Variants in LONP1 observed in about 807,000 individuals in gnomAD.
LONP1 encodes lon protease homolog, mitochondrial.
Under a neutral mutation model 98.5 loss-of-function variants are expected in LONP1, and 31 were observed. The observed-to-expected ratio is 0.31, with a 90% CI of 0.24 to 0.42. The LOEUF is 0.42. LONP1 is among the 20% of genes least tolerant of loss of function. LONP1 has a pLI of 1.00. For synonymous variants in LONP1, 781 were observed against 594.7 expected, an observed-to-expected ratio of 1.31 and a Z score of -4.56; for missense variants, 1,336 against 1,350.6, an observed-to-expected ratio of 0.99 and a Z score of 0.17.
chr19:5,697,474 TGAG>T (rs2054956134), intron 10 of LONP1, among the ~76,000 whole-genome samples: 1 of 131,284 alleles, frequency 7.6e-6, no homozygotes. Flanking sequence ...AGAAGAACAG[TGAG>T]GAGGCCATGA....
chr19:5,692,036 C>T lies in LONP1; in HGVS notation c.2876G>A (p.Arg959Gln), dbSNP rs774327937. ...CCTGCAGTCCCGGGGTGGCCGTCAC[C>T]GTTCCACGGCCAGCGCCTCTGCCTG... The part of the protein sequence containing the change: ...DEQAEALAVE[R>Q] Residue 959 changes from arginine (R) to glutamine (Q), a missense_variant, in exon 18 of 18, where the codon CGG (arginine) becomes CAG (glutamine). Around this residue, in one of 5 missense-constraint regions of LONP1, gnomAD observed 555 missense variants for 542.6 expected, o/e 1.02. Transcript: ENST00000360614. 38 of 1,406,194 alleles carry T rather than the reference C, an allele frequency of 2.7e-5. No individual in the cohort carries two copies. The highest frequency in any genetic ancestry group is 3.3e-5 in the Non-Finnish European group (34 of 1,024,664). The allele number at this position is 1,406,194 out of a possible 1,614,324, so 87.1% of individuals were successfully genotyped here. A position where few individuals can be genotyped will look rare whatever the true frequency, so the allele number is the denominator to read the frequency against.
intron 10 of LONP1, 53 bp from the exon 11 acceptor site, chr19:5,696,810 A>G: frequency 8.0e-7 from 1 of 1,253,142 alleles, no homozygotes; most frequent in South Asian, 1.2e-5. Flanking sequence ...CTCGGCCACA[A>G]CGACACCATG....
At chr19:5,710,200 C>CA (rs1164781614) in intron 4 of LONP1, among the ~76,000 whole-genome samples, 1 of 151,374 alleles carries the variant, frequency 6.6e-6, no homozygotes, top group East Asian at 2.0e-4. Flanking sequence ...TCTCCCGCCT[C>CA]AGTAATCCCG....
chr19:5,692,248 G>A, intron 17 of LONP1, 40 bp from the exon 18 acceptor site: 2 of 1,574,104 alleles, frequency 1.3e-6, no homozygotes, highest in Non-Finnish European at 1.7e-6. Flanking sequence ...TGGGCCTGTG[G>A]GAGGGCAGCA....
intron 8 of LONP1, among the ~76,000 whole-genome samples, chr19:5,702,587 G>C (rs1407760659): frequency 6.6e-6 from 1 of 150,622 alleles, no homozygotes; most frequent in South Asian, 2.1e-4. Flanking sequence ...GAATAGAAAA[G>C]GGGGAAAGGA....
At chr19:5,712,361 C>T in intron 3 of LONP1, 1 of 250,478 alleles carries the variant, frequency 4.0e-6, no homozygotes, top group Non-Finnish European at 7.7e-6. Flanking sequence ...AGACTCTGTG[C>T]CCTGGACTCA....
chr19:5,702,275 C>G (rs1033604381), intron 8 of LONP1, among the ~76,000 whole-genome samples: 2 of 143,604 alleles, frequency 1.4e-5, no homozygotes, highest in Non-Finnish European at 3.0e-5. Context: ...AGCCCCCCAC[C>G]AGGCCAGCTG....
chr19:5,697,800 C>G (rs1466364553), intron 10 of LONP1, among the ~76,000 whole-genome samples: 1 of 152,026 alleles, frequency 6.6e-6, no homozygotes, highest in African/African-American at 2.4e-5. Flanking sequence ...GACGCCTGCC[C>G]TCCCCGCAGC....
intron 1 of LONP1, among the ~76,000 whole-genome samples, chr19:5,716,259 C>CAT (rs3082272): frequency 0.031 from 2,391 of 76,744 alleles, 94 homozygotes; most frequent in East Asian, 0.054. Context: ...TTAAAATATA[C>CAT]ATATATATAT....
intron 1 of LONP1, among the ~76,000 whole-genome samples, chr19:5,718,461 GA>G (rs1196861124): frequency 1.4e-5 from 2 of 146,942 alleles, no homozygotes; most frequent in African/African-American, 5.1e-5. Flanking sequence ...CTAGATGACA[GA>G]GTGCAACTTG....
rs538280575 is a variant in LONP1 at position 5,692,894 on chromosome 19, A to AGGGAAGAGT, written c.2703+395_2703+403dup. 3.4e-4 allele frequency among the ~76,000 whole-genome samples: 52 copies of AGGGAAGAGT among 152,082 alleles called. 1 individual carries two copies. In the South Asian group the frequency reaches 5.8e-3, roughly 17 times the overall value. On this transcript the variant is annotated intron_variant, in intron 17 of 17. Coordinates refer to ENST00000360614, the MANE Select transcript of LONP1 (RefSeq NM_004793.4). ...CAGTCTGGGGACAGGCAGGGATGGG[A>AGGGAAGAGT]GGGAAGAGTGGGGACAGTGGCGCTC...
intron 3 of LONP1, among the ~76,000 whole-genome samples, chr19:5,712,294 C>T (rs1468907634): frequency 6.6e-6 from 1 of 152,208 alleles, no homozygotes; most frequent in Non-Finnish European, 1.5e-5. Flanking sequence ...CAGTGACAAG[C>T]CCCAGGGCCT....
intron 4 of LONP1, 65 bp from the exon 5 acceptor site, chr19:5,708,468 G>GGGGCA: frequency 1.8e-6 from 1 of 551,264 alleles, no homozygotes; most frequent in Non-Finnish European, 3.4e-6. Context: ...GGCTGGGTGG[G>GGGGCA]AGCATGGCCC....
intron 4 of LONP1, 125 bp from the exon 5 acceptor site, chr19:5,708,528 G>A (rs2145616115): frequency 2.7e-6 from 2 of 738,274 alleles, no homozygotes; most frequent in African/African-American, 1.7e-5. Context: ...CCGCCAACTG[G>A]CCCTGGCCAC....
Position 5,707,754 on chromosome 19 carries a change from GC to G in LONP1, c.1004del (p.Gly335AlafsTer32). 6.2e-7 allele frequency: 1 copy of G among 1,613,288 alleles called. No homozygotes were observed. On this transcript the variant is annotated frameshift_variant, in exon 6 of 18. Transcript: ENST00000360614. LOFTEE classifies it high-confidence loss of function. ...GGGACTCGGCCCCGGTGAGCGCGGC[GC>G]CCATGTCGCTCAGGTAGATGGGGTT... ...VDNPIYLSDM[G>X]AALTGAESHE... is the part of the protein sequence containing the mutation.
rs372209753 is a variant in LONP1 at position 5,691,994 on chromosome 19, G to A, written c.*38C>T. On this transcript the variant is annotated 3_prime_UTR_variant, in exon 18 of 18. Transcript: ENST00000360614. ...ACAGCGCTCAGTTCTGGCCCAGACAGGGCCTGACATCCGCCGCCTGCAGTC... is the reference window on the plus strand; with the variant it reads ...ACAGCGCTCAGTTCTGGCCCAGACAAGGCCTGACATCCGCCGCCTGCAGTC... 1.2e-5 allele frequency: 19 copies of A among 1,591,292 alleles called. No homozygotes were observed. The highest frequency in any genetic ancestry group is 1.5e-5 in the Non-Finnish European group (17 of 1,167,984).
intron 4 of LONP1, 103 bp downstream of exon 4, chr19:5,711,668 G>A: frequency 2.2e-6 from 2 of 925,226 alleles, no homozygotes; most frequent in South Asian, 1.5e-5. Context: ...CCTTCCTAAG[G>A]GGCTCAGGGT....
At chr19:5,709,948 G>GC (rs1319906626) in intron 4 of LONP1, among the ~76,000 whole-genome samples, 1 of 144,462 alleles carries the variant, frequency 6.9e-6, no homozygotes, top group Non-Finnish European at 1.5e-5. Context: ...CAAGTTCGCT[G>GC]CCCCTAAGGG....
At chr19:5,708,426 G>C in intron 4 of LONP1, 23 bp from the exon 5 acceptor site, 1 of 1,601,330 alleles carries the variant, frequency 6.2e-7, no homozygotes. Flanking sequence ...GGGCAGGGTC[G>C]CTGGGGCCCA....
Sources: allele counts gnomAD v4.1 joint callset (sites outside exome capture counted in the v4.1 genomes callset), GRCh38; gene constraint gnomAD v4.1.1; regional missense constraint gnomAD v4.1.1; transcripts MANE v1.5; gene names NCBI Gene and HGNC (gene_info 2026-07-23, HGNC 2026-07-21).